The following AOAH variants were observed in gnomAD, a reference collection of about 807,000 sequenced individuals.
AOAH encodes acyloxyacyl hydrolase.
AOAH carries 64 observed loss-of-function variants against 92.2 expected under a neutral mutation model. The ratio of observed to expected loss-of-function variants is 0.69; its 90% confidence interval spans 0.57 to 0.86. AOAH has a LOEUF of 0.86. AOAH is among the 40% of genes least tolerant of loss of function. AOAH has a pLI of 0.00. For synonymous variants in AOAH, 263 were observed against 254.5 expected, an observed-to-expected ratio of 1.03 and a Z score of -0.32; for missense variants, 656 against 694.6, an observed-to-expected ratio of 0.94 and a Z score of 0.62.
intron 1 of AOAH, among the ~76,000 whole-genome samples, chr7:36,715,463 G>C (rs937561286): frequency 1.3e-5 from 2 of 151,148 alleles, no homozygotes; most frequent in Admixed American, 1.3e-4. Context: ...TCACAGAATT[G>C]GAAAAAACTA....
intron 1 of AOAH, among the ~76,000 whole-genome samples, chr7:36,689,172 C>T (rs1797233475): frequency 6.6e-6 from 1 of 152,116 alleles, no homozygotes; most frequent in Admixed American, 6.5e-5. Flanking sequence ...CACTTGTGGA[C>T]ATGGCTCCAC....
At chr7:36,678,550 A>AGTGTGTGTGT (rs529261307) in intron 2 of AOAH, among the ~76,000 whole-genome samples, 2,544 of 118,776 alleles carry the variant, frequency 0.021, 57 homozygotes, top group East Asian at 0.04. Context: ...TAAGATAAGC[A>AGTGTGTGTGT]GTGTGTGTGT....
chr7:36,523,608 T>A (rs1235635568), intron 19 of AOAH, among the ~76,000 whole-genome samples: 4 of 150,576 alleles, frequency 2.7e-5, no homozygotes, highest in Non-Finnish European at 5.9e-5. Flanking sequence ...CAGTCTTCAG[T>A]TTGCCTGGCC....
intron 6 of AOAH, among the ~76,000 whole-genome samples, chr7:36,628,235 A>ATAAT (rs1792816147): frequency 6.6e-6 from 1 of 152,348 alleles, no homozygotes; most frequent in East Asian, 1.9e-4. Flanking sequence ...TTTATGTGAA[A>ATAAT]TAATATGGGG....
chr7:36,620,743 A>G, intron 9 of AOAH, 38 bp downstream of exon 9: 1 of 1,606,060 alleles, frequency 6.2e-7, no homozygotes, highest in Non-Finnish European at 8.5e-7. Flanking sequence ...AGGGAGGAAC[A>G]AAGGAGAATG....
At chr7:36,610,439 T>G (rs1292465088) in intron 11 of AOAH, among the ~76,000 whole-genome samples, 1 of 150,800 alleles carries the variant, frequency 6.6e-6, no homozygotes, top group Non-Finnish European at 1.5e-5. Context: ...TGTGAAAAAT[T>G]TAAGATGGTG....
At chr7:36,535,892 A>G (rs916610223) in intron 16 of AOAH, among the ~76,000 whole-genome samples, 1 of 152,208 alleles carries the variant, frequency 6.6e-6, no homozygotes, top group Admixed American at 6.5e-5. Context: ...CAAAGGACCC[A>G]CATCAGTAGA....
chr7:36,543,947 C>CTTTT (rs1219471100), intron 15 of AOAH, among the ~76,000 whole-genome samples: 17 of 91,020 alleles, frequency 1.9e-4, no homozygotes, highest in South Asian at 4.3e-4. Flanking sequence ...TTCTTTCTTT[C>CTTTT]TTTTTTTTTT....
intron 9 of AOAH, among the ~76,000 whole-genome samples, chr7:36,619,375 T>G (rs932075473): frequency 1.3e-5 from 2 of 152,200 alleles, no homozygotes; most frequent in Non-Finnish European, 2.9e-5. Flanking sequence ...GAGCTCATGG[T>G]GGATTTCCAT....
At chr7:36,679,595 T>C (rs1260635454) in intron 2 of AOAH, among the ~76,000 whole-genome samples, 1 of 151,034 alleles carries the variant, frequency 6.6e-6, no homozygotes, top group Non-Finnish European at 1.5e-5. Context: ...GTATAATATG[T>C]ATACATTATT....
At chr7:36,639,116 A>ACAT (rs1193118066) in intron 4 of AOAH, among the ~76,000 whole-genome samples, 2 of 152,240 alleles carry the variant, frequency 1.3e-5, no homozygotes, top group African/African-American at 4.8e-5. Context: ...TTAAAACATG[A>ACAT]CATCTTTAAT....
chr7:36,646,027 A>C (rs1794201053), intron 4 of AOAH, among the ~76,000 whole-genome samples: 1 of 152,320 alleles, frequency 6.6e-6, no homozygotes, highest in East Asian at 1.9e-4. Flanking sequence ...TTTAAACAGC[A>C]TTATTCCCAC....
chr7:36,540,830 A>T (rs974757177), intron 15 of AOAH, among the ~76,000 whole-genome samples: 1 of 152,242 alleles, frequency 6.6e-6, no homozygotes, highest in Non-Finnish European at 1.5e-5. Flanking sequence ...TGCTTCACCA[A>T]TCTGAGTCCT....
intron 16 of AOAH, among the ~76,000 whole-genome samples, chr7:36,535,356 T>C (rs1024747161): frequency 6.6e-6 from 1 of 152,170 alleles, no homozygotes; most frequent in Non-Finnish European, 1.5e-5. Context: ...GGAAACATAA[T>C]TGAAATCTTA....
At chr7:36,711,794 C>T (rs6462701) in intron 1 of AOAH, among the ~76,000 whole-genome samples, 150,065 of 152,186 alleles carry the variant, frequency 0.99, 73,989 homozygotes, top group East Asian at 1. Context: ...AATGTCCAGA[C>T]TGCATGGCTA....
At chr7:36,670,313 C>T (rs186059816) in intron 3 of AOAH, among the ~76,000 whole-genome samples, 3 of 152,306 alleles carry the variant, frequency 2.0e-5, no homozygotes, top group Admixed American at 2.0e-4. Context: ...GTATGAAGAA[C>T]ATGCCCAATG....
At chr7:36,620,957 C>T (rs765213896) in intron 8 of AOAH, 128 bp from the exon 9 acceptor site, 25 of 812,810 alleles carry the variant, frequency 3.1e-5, no homozygotes, top group Admixed American at 2.0e-4. Flanking sequence ...CAACAGCATT[C>T]TTCATGGAAT....
At chr7:36,606,308 T>A in intron 11 of AOAH, among the ~76,000 whole-genome samples, 1 of 152,176 alleles carries the variant, frequency 6.6e-6, no homozygotes, top group East Asian at 1.9e-4. Flanking sequence ...TACAAAATCA[T>A]CTCAAAGGGA....
intron 4 of AOAH, among the ~76,000 whole-genome samples, chr7:36,658,133 T>C (rs921603429): frequency 2.0e-5 from 3 of 152,150 alleles, no homozygotes; most frequent in African/African-American, 7.2e-5. Flanking sequence ...AGGGGAAATT[T>C]AATTCGCACT....
Sources: allele counts gnomAD v4.1 joint callset (sites outside exome capture counted in the v4.1 genomes callset), GRCh38; gene constraint gnomAD v4.1.1; transcripts MANE v1.5; gene names NCBI Gene and HGNC (gene_info 2026-07-23, HGNC 2026-07-21).